The following GMFG variants were observed in gnomAD, a reference collection of about 807,000 sequenced individuals.
The protein encoded by GMFG is glia maturation factor gamma.
A neutral mutation model predicts 26.1 loss-of-function variants in GMFG; 21 were observed. That is an observed-to-expected ratio of 0.80 (90% CI 0.57 to 1.16). The LOEUF (loss-of-function observed/expected upper bound fraction) is 1.16. Ranked by LOEUF, GMFG falls within the 50% of genes most tolerant of loss-of-function variation. The pLI, the probability that GMFG is intolerant of heterozygous loss-of-function variation, is 0.00. For missense variants in GMFG, 161 were observed against 178.3 expected (o/e 0.90, Z 0.55); for synonymous variants, 65 against 60.8 (o/e 1.07, Z -0.32).
intron 6 of GMFG, 55 bp downstream of exon 6, chr19:39,328,945 C>T: frequency 3.2e-6 from 4 of 1,267,754 alleles, no homozygotes; most frequent in Non-Finnish European, 4.6e-6. Context: ...TTCCCTCAGA[C>T]CCAGGACCCA....
At chr19:39,335,224 C>T in intron 3 of GMFG, 37 bp downstream of exon 3, 2 of 1,497,676 alleles carry the variant, frequency 1.3e-6, no homozygotes, top group Non-Finnish European at 1.8e-6. Context: ...CCAGTCTCAC[C>T]CTGTACCTCC....
At chr19:39,334,017 CTTTTTT>C (rs71169586) in intron 3 of GMFG, among the ~76,000 whole-genome samples, 1 of 94,962 alleles carries the variant, frequency 1.1e-5, no homozygotes, top group Non-Finnish European at 2.1e-5. Flanking sequence ...GAGATGGAGT[CTTTTTT>C]TTTTTTTTTT....
intron 4 of GMFG, among the ~76,000 whole-genome samples, chr19:39,331,200 G>A (rs547033623): frequency 2.0e-4 from 30 of 152,300 alleles, no homozygotes; most frequent in African/African-American, 6.5e-4. Flanking sequence ...GGACAGCAGC[G>A]GTCACTGGGT....
chr19:39,335,007 G>A (rs1383440293), intron 3 of GMFG, among the ~76,000 whole-genome samples: 1 of 152,028 alleles, frequency 6.6e-6, no homozygotes, highest in Non-Finnish European at 1.5e-5. Context: ...CCACCACCAT[G>A]CCTAGCTAAC....
chr19:39,335,592 A>C, intron 1 of GMFG, 61 bp from the exon 2 acceptor site: 2 of 1,102,966 alleles, frequency 1.8e-6, no homozygotes, highest in African/African-American at 1.5e-5. Flanking sequence ...CCCTTCCCCA[A>C]ACCTGTTTCT....
chr19:39,330,240 C>T (rs2075221032), intron 4 of GMFG, among the ~76,000 whole-genome samples: 1 of 152,100 alleles, frequency 6.6e-6, no homozygotes. Flanking sequence ...AAGTGAATGC[C>T]AGCGTGTAAG....
intron 3 of GMFG, among the ~76,000 whole-genome samples, chr19:39,334,413 G>A (rs1225135030): frequency 6.6e-6 from 1 of 151,890 alleles, no homozygotes; most frequent in Non-Finnish European, 1.5e-5. Context: ...GATCACAGGT[G>A]CACACCACTG....
rs79466955 is a variant in GMFG, at chr19:39,335,398, G to A, written c.100+37C>T. ...GCCCTCCCTATCTGCCCTCACCACC[G>A]CCCTCCCATCCTTCTGTGGGGGAAG... On this transcript the variant is annotated intron_variant, in intron 2 of 6. Transcript: ENST00000597595. The A allele has an allele frequency of 4.8e-4, 760 of 1,581,792 alleles. 5 individuals carry two copies. In the African/African-American group the frequency reaches 9.1e-3, roughly 19 times the overall value.
chr19:39,335,676 C>T (rs1423490572), intron 1 of GMFG, 145 bp from the exon 2 acceptor site: 3 of 680,646 alleles, frequency 4.4e-6, no homozygotes, highest in Non-Finnish European at 7.9e-6. Flanking sequence ...AGGCACCCTT[C>T]CCACAGAGTA....
intron 3 of GMFG, among the ~76,000 whole-genome samples, chr19:39,333,568 C>T (rs1332972421): frequency 1.4e-5 from 2 of 138,370 alleles, no homozygotes; most frequent in Non-Finnish European, 3.1e-5. Context: ...CAAAAAAGAT[C>T]GAAACTCCGT....
chr19:39,335,155 T>C, intron 3 of GMFG, 106 bp downstream of exon 3: 1 of 890,634 alleles, frequency 1.1e-6, no homozygotes, highest in Non-Finnish European at 1.8e-6. Flanking sequence ...TCGGCCAATC[T>C]CCAGGTCTTT....
intron 6 of GMFG, 121 bp downstream of exon 6, chr19:39,328,879 T>A (rs1489914375): frequency 4.2e-5 from 33 of 782,192 alleles, no homozygotes; most frequent in African/African-American, 1.4e-4. Flanking sequence ...CCCAGTTCTT[T>A]AAAAAAACAA....
intron 3 of GMFG, among the ~76,000 whole-genome samples, chr19:39,334,268 A>G (rs2145057411): frequency 6.6e-6 from 1 of 152,104 alleles, no homozygotes; most frequent in South Asian, 2.1e-4. Context: ...CGCCCGCCTC[A>G]GCCTCCCAAA....
At chr19:39,335,191 TC>T in intron 3 of GMFG, 69 bp downstream of exon 3, 1 of 1,226,028 alleles carries the variant, frequency 8.2e-7, no homozygotes, top group South Asian at 1.5e-5. Context: ...GCTCTTCATA[TC>T]AGTTCCAACC....
chr19:39,331,697 C>T (rs1898443759), intron 4 of GMFG, among the ~76,000 whole-genome samples: 1 of 152,108 alleles, frequency 6.6e-6, no homozygotes, highest in African/African-American at 2.4e-5. Flanking sequence ...ATGGCTTGAG[C>T]CCAGGAGTTA....
chr19:39,335,158 A>T, intron 3 of GMFG, 103 bp downstream of exon 3: 4 of 905,572 alleles, frequency 4.4e-6, no homozygotes, highest in Non-Finnish European at 6.9e-6. Flanking sequence ...GCCAATCTCC[A>T]GGTCTTTCTA....
chr19:39,334,347 G>T (rs2075240206), intron 3 of GMFG, among the ~76,000 whole-genome samples: 1 of 151,812 alleles, frequency 6.6e-6, no homozygotes, highest in South Asian at 2.1e-4. Flanking sequence ...GCCCAGGTTG[G>T]TCTCAAAACT....
At chr19:39,333,156 A>C in intron 3 of GMFG, 30 bp from the exon 4 acceptor site, 1 of 1,492,094 alleles carries the variant, frequency 6.7e-7, no homozygotes, top group Non-Finnish European at 9.2e-7. Flanking sequence ...GAAAAGACAA[A>C]GAATGAGGCA....
chr19:39,329,187 A>G, intron 5 of GMFG, 114 bp from the exon 6 acceptor site: 2 of 708,116 alleles, frequency 2.8e-6, no homozygotes, highest in Non-Finnish European at 2.5e-6. Context: ...AGCTCTTCTA[A>G]GGAGGTCCCT....
Sources: allele counts gnomAD v4.1 joint callset (sites outside exome capture counted in the v4.1 genomes callset), GRCh38; gene constraint gnomAD v4.1.1; transcripts MANE v1.5; gene names NCBI Gene and HGNC (gene_info 2026-07-23, HGNC 2026-07-21).